CHODL: variants seen among roughly 807,000 people sequenced by gnomAD.
The protein encoded by CHODL is chondrolectin.
CHODL carries 29 observed loss-of-function variants against 34.5 expected under a neutral mutation model. The ratio of observed to expected loss-of-function variants is 0.84; its 90% CI spans 0.63 to 1.15. The LOEUF is 1.15. Ranked by LOEUF, CHODL falls within the 50% of genes most tolerant of loss-of-function variation. The pLI is 0.00. For missense variants in CHODL, 332 were observed against 332.5 expected (o/e 1.00, Z 0.01); for synonymous variants, 125 against 116.1 (o/e 1.08, Z -0.49).
chr21:18,080,279 T>C (rs941575953), intron 2 of CHODL, among the ~76,000 whole-genome samples: 3 of 152,198 alleles, frequency 2.0e-5, no homozygotes, highest in African/African-American at 7.2e-5. Flanking sequence ...TTCCATTCTG[T>C]AGCTTTTCTG....
rs371677588 is a variant in CHODL at position 17,997,883 on chromosome 21, G to A, written c.-144-29989G>A. On this transcript the variant is annotated intron_variant, in intron 1 of 6. Coordinates refer to the CHODL transcript ENST00000400127. ...ATTTGGATGGGGACACAGCCAAGCC[G>A]TATAATTCCACCCCTGGCCCCTCCA... 8.3e-4 allele frequency among the ~76,000 whole-genome samples: 127 copies of A among 152,120 alleles called. 2 individuals carry two copies. The highest frequency in any genetic ancestry group is 1.9e-3 in the African/African-American group (77 of 41,486).
chr21:17,924,946 G>T (rs1036922759), intron 1 of CHODL, among the ~76,000 whole-genome samples: 13 of 152,196 alleles, frequency 8.5e-5, no homozygotes, highest in African/African-American at 2.9e-4. Flanking sequence ...CATTAAGCCT[G>T]TGGTCTGAAT....
intron 2 of CHODL, among the ~76,000 whole-genome samples, chr21:18,041,407 TAAAGC>T (rs1211078430): frequency 1.3e-5 from 2 of 151,928 alleles, no homozygotes; most frequent in African/African-American, 4.8e-5. Context: ...AAAAATGACT[TAAAGC>T]AAAACATTCA....
chr21:18,195,028 A>ATTATTTATTTATTTAT (rs56855621), intron 2 of CHODL, among the ~76,000 whole-genome samples: 5 of 144,014 alleles, frequency 3.5e-5, no homozygotes, highest in African/African-American at 1.0e-4. Context: ...AATACAATAC[A>ATTATTTATTTATTTAT]TTATTTATTT....
intron 2 of CHODL, among the ~76,000 whole-genome samples, chr21:18,087,650 C>A (rs969207841): frequency 6.6e-6 from 1 of 152,144 alleles, no homozygotes; most frequent in African/African-American, 2.4e-5. Flanking sequence ...TGGAATTAAA[C>A]TCTCAAAATG....
intron 2 of CHODL, among the ~76,000 whole-genome samples, chr21:18,172,288 C>T (rs2073241689): frequency 6.6e-6 from 1 of 152,106 alleles, no homozygotes; most frequent in Non-Finnish European, 1.5e-5. Flanking sequence ...AGTGAGTGAG[C>T]TCTGAACCAG....
chr21:18,156,397 G>A (rs530368150), intron 2 of CHODL, among the ~76,000 whole-genome samples: 6 of 152,156 alleles, frequency 3.9e-5, no homozygotes, highest in African/African-American at 1.2e-4. Flanking sequence ...GCCCAATGTC[G>A]TGAAGTATAC....
intron 2 of CHODL, among the ~76,000 whole-genome samples, chr21:18,099,150 T>A (rs1375754652): frequency 6.6e-6 from 1 of 151,872 alleles, no homozygotes; most frequent in Non-Finnish European, 1.5e-5. Flanking sequence ...TTAGAAAGAA[T>A]GAATAAGAAC....
At chr21:18,090,643 G>A (rs2065061112) in intron 2 of CHODL, among the ~76,000 whole-genome samples, 1 of 141,308 alleles carries the variant, frequency 7.1e-6, no homozygotes. Flanking sequence ...AATGAAAGAG[G>A]AATATAGAAA....
intron 2 of CHODL, among the ~76,000 whole-genome samples, chr21:18,062,982 T>G (rs2064687784): frequency 6.6e-6 from 1 of 152,174 alleles, no homozygotes; most frequent in South Asian, 2.1e-4. Context: ...CTATGATATA[T>G]GAAAACTTCA....
intron 1 of CHODL, among the ~76,000 whole-genome samples, chr21:17,995,320 C>T (rs550926834): frequency 5.6e-4 from 86 of 152,260 alleles, no homozygotes; most frequent in African/African-American, 2.0e-3. Flanking sequence ...ATGGGGCTCT[C>T]CTGTGGCTAG....
chr21:17,918,452 G>C (rs1366733152), intron 1 of CHODL, among the ~76,000 whole-genome samples: 1 of 152,182 alleles, frequency 6.6e-6, no homozygotes, highest in Non-Finnish European at 1.5e-5. Flanking sequence ...AGCAAGTCAT[G>C]TCTTACATGG....
In CHODL at chr21:18,266,877, A is replaced by ACGTC. The variant is rs1237074761; in HGVS notation, c.*839_*840insCGTC. The ACGTC allele has an allele frequency of 6.6e-6, 1 of 152,544 alleles. No homozygotes were observed. Among genetic ancestry groups the ACGTC allele is most frequent in the African/African-American group, 2.4e-5 (1 of 41,450 alleles). 9.4% of individuals were successfully genotyped at this position (152,544 alleles called of 1,614,324 possible). Reference sequence around the variant, plus strand: ...AAGTGACATACACAATATAAATCATATGTCTTCACACGTTGCCTATATAAT... The same window carrying ACGTC: ...AAGTGACATACACAATATAAATCATACGTCTGTCTTCACACGTTGCCTATATAAT... On this transcript the variant is annotated 3_prime_UTR_variant, in exon 6 of 6. Coordinates refer to ENST00000299295, the MANE Select transcript of CHODL (RefSeq NM_024944.3).
At chr21:18,160,388 T>C (rs2073082153) in intron 2 of CHODL, among the ~76,000 whole-genome samples, 1 of 152,196 alleles carries the variant, frequency 6.6e-6, no homozygotes, top group South Asian at 2.1e-4. Context: ...GTTTGTTACA[T>C]AGGTAAACTT....
chr21:18,230,459 T>C (rs1450858463), intron 2 of CHODL, among the ~76,000 whole-genome samples: 1 of 152,106 alleles, frequency 6.6e-6, no homozygotes, highest in African/African-American at 2.4e-5. Flanking sequence ...ATTCCTGTGA[T>C]TATTAAGAAG....
intron 2 of CHODL, among the ~76,000 whole-genome samples, chr21:18,149,414 T>C (rs115003489): frequency 6.0e-4 from 92 of 152,326 alleles, no homozygotes; most frequent in African/African-American, 2.0e-3. Context: ...CATAGAGTCC[T>C]CATAACCGTA....
chr21:18,248,257 A>G (rs2074168200), intron 1 of CHODL, among the ~76,000 whole-genome samples: 1 of 151,842 alleles, frequency 6.6e-6, no homozygotes, highest in African/African-American at 2.4e-5. Flanking sequence ...GAACAGTAGC[A>G]CATACATTAA....
intron 2 of CHODL, among the ~76,000 whole-genome samples, chr21:18,058,021 T>C (rs2064606278): frequency 6.6e-6 from 1 of 152,114 alleles, no homozygotes; most frequent in South Asian, 2.1e-4. Flanking sequence ...ATTCTATACA[T>C]TATTGTTAAC....
At chr21:18,102,723 A>G (rs1189181722) in intron 2 of CHODL, among the ~76,000 whole-genome samples, 1 of 152,200 alleles carries the variant, frequency 6.6e-6, no homozygotes, top group Non-Finnish European at 1.5e-5. Context: ...AGTATGGCCT[A>G]TATTAAAAAT....
Sources: allele counts gnomAD v4.1 joint callset (sites outside exome capture counted in the v4.1 genomes callset), GRCh38; gene constraint gnomAD v4.1.1; transcripts MANE v1.5; gene names NCBI Gene and HGNC (gene_info 2026-07-23, HGNC 2026-07-21).